PLAAT1: variants seen among roughly 807,000 people sequenced by gnomAD.
PLAAT1 encodes the protein H-REV107 protein-related protein.
In PLAAT1, 13 loss-of-function variants were observed where a neutral mutation model predicts 16.4. The observed-to-expected ratio is 0.79, with a 90% confidence interval of 0.52 to 1.26. PLAAT1 has a LOEUF of 1.26. Ranked by LOEUF, PLAAT1 falls within the 50% of genes most tolerant of loss-of-function variation. The pLI, the probability that PLAAT1 is intolerant of heterozygous loss-of-function variation, is 0.00. For synonymous variants in PLAAT1, 73 were observed against 78.4 expected (o/e 0.93, Z 0.36); for missense variants, 218 against 207.8 (o/e 1.05, Z -0.30).
intron 2 of PLAAT1, among the ~76,000 whole-genome samples, chr3:193,276,088 A>G (rs1268378194): frequency 1.3e-5 from 2 of 152,184 alleles, no homozygotes; most frequent in Non-Finnish European, 2.9e-5. Flanking sequence ...TTATTAAAAC[A>G]TAGTCTCAAA....
At chr3:193,274,902 A>G, downstream of PLAAT1, 1 of 1,249,808 alleles carries the variant, frequency 8.0e-7, no homozygotes, top group South Asian at 1.5e-5. Context: ...CCTTGCTGCA[A>G]GGTTTAATTC....
intron 1 of PLAAT1, among the ~76,000 whole-genome samples, chr3:193,247,615 C>A (rs961656589): frequency 6.6e-6 from 1 of 152,160 alleles, no homozygotes; most frequent in South Asian, 2.1e-4. Flanking sequence ...AGTAAAAAAT[C>A]CTGCATCAAT....
chr3:193,255,065 CT>C (rs1483248263), intron 1 of PLAAT1, among the ~76,000 whole-genome samples: 1 of 152,122 alleles, frequency 6.6e-6, no homozygotes, highest in Non-Finnish European at 1.5e-5. Context: ...GCATCCACCC[CT>C]ACCTCTGCTT....
At chr3:193,280,377 T>A (rs533721433), downstream of PLAAT1, among the ~76,000 whole-genome samples, 1 of 152,232 alleles carries the variant, frequency 6.6e-6, no homozygotes, top group East Asian at 1.9e-4. Context: ...CCAGTTAAAA[T>A]ACCACTTCCT....
chr3:193,259,404 A>G (rs1271247923), intron 2 of PLAAT1, among the ~76,000 whole-genome samples: 1 of 152,168 alleles, frequency 6.6e-6, no homozygotes, highest in African/African-American at 2.4e-5. Context: ...AAGAAATAAA[A>G]GGCATCCAAA....
intron 2 of PLAAT1, among the ~76,000 whole-genome samples, chr3:193,258,942 C>T (rs1577306176): frequency 6.6e-6 from 1 of 151,930 alleles, no homozygotes; most frequent in Non-Finnish European, 1.5e-5. Context: ...ATCGGAGAGA[C>T]ACACAAAAAA....
intron 1 of PLAAT1, among the ~76,000 whole-genome samples, chr3:193,254,431 T>C (rs919974876): frequency 2.0e-5 from 3 of 152,192 alleles, no homozygotes; most frequent in African/African-American, 7.2e-5. Flanking sequence ...TAGAGTGAAA[T>C]GATGAGGAAC....
intron 1 of PLAAT1, among the ~76,000 whole-genome samples, chr3:193,246,679 A>G (rs147312687): frequency 1.7e-3 from 258 of 152,288 alleles, no homozygotes; most frequent in Non-Finnish European, 3.0e-3. Context: ...ATTGATTTAT[A>G]TATGTTCACC....
At chr3:193,257,348 T>C (rs1716415900) in intron 2 of PLAAT1, among the ~76,000 whole-genome samples, 2 of 152,282 alleles carry the variant, frequency 1.3e-5, no homozygotes, top group East Asian at 1.9e-4. Context: ...TGGATAGATA[T>C]AAATAACAGC....
At chr3:193,279,557 T>C (rs1378323564), downstream of PLAAT1, 1 of 816,824 alleles carries the variant, frequency 1.2e-6, no homozygotes, top group Non-Finnish European at 2.0e-6. Context: ...ATACCAGATA[T>C]ATCTTCAGAT....
intron 1 of PLAAT1, among the ~76,000 whole-genome samples, chr3:193,247,835 T>C (rs1716036367): frequency 6.6e-6 from 1 of 152,206 alleles, no homozygotes; most frequent in Non-Finnish European, 1.5e-5. Context: ...TGAGATTTGC[T>C]TTGTGATATA....
At chr3:193,264,092 T>G (rs1014950680) in intron 3 of PLAAT1, among the ~76,000 whole-genome samples, 8 of 152,206 alleles carry the variant, frequency 5.3e-5, no homozygotes, top group African/African-American at 1.9e-4. Context: ...TGAAAACTTT[T>G]TAAAAGGCAA....
chr3:193,247,547 C>T (rs1716025647), intron 1 of PLAAT1, among the ~76,000 whole-genome samples: 1 of 152,168 alleles, frequency 6.6e-6, no homozygotes, highest in Admixed American at 6.5e-5. Context: ...CTTCAAGTGT[C>T]TGCGTGCCTA....
At chr3:193,246,353 A>G (rs1715982951) in intron 1 of PLAAT1, among the ~76,000 whole-genome samples, 1 of 131,772 alleles carries the variant, frequency 7.6e-6, no homozygotes, top group African/African-American at 2.7e-5. Flanking sequence ...TGGTATATTT[A>G]TTTATTAATG....
chr3:193,263,891 A>G (rs1419114352), intron 3 of PLAAT1, among the ~76,000 whole-genome samples: 2 of 152,130 alleles, frequency 1.3e-5, no homozygotes, highest in Admixed American at 6.5e-5. Context: ...TCTTTTCCCT[A>G]CCTGTTGTCC....
At chr3:193,240,680 T>TGTGTGTGTGTGTGTGTGG (rs1479216269), upstream of PLAAT1, among the ~76,000 whole-genome samples, 1 of 148,922 alleles carries the variant, frequency 6.7e-6, no homozygotes, top group African/African-American at 2.5e-5. Context: ...TGTGTGTGTG[T>TGTGTGTGTGTGTGTGTGG]GTGTGGTTGG....
chr3:193,274,969 C>T (rs761842345), downstream of PLAAT1: 1 of 1,551,696 alleles, frequency 6.4e-7, no homozygotes, highest in Non-Finnish European at 8.8e-7. Context: ...GGGAGAGTAT[C>T]ATCACTTCTC....
downstream of PLAAT1, among the ~76,000 whole-genome samples, chr3:193,273,102 A>G (rs988509455): frequency 1.3e-5 from 2 of 152,236 alleles, no homozygotes; most frequent in Admixed American, 6.5e-5. Context: ...GAAAAAGCCT[A>G]TAACTTTATT....
intron 1 of PLAAT1, among the ~76,000 whole-genome samples, chr3:193,250,125 TAGG>T (rs1716137518): frequency 6.6e-6 from 1 of 152,224 alleles, no homozygotes. Flanking sequence ...TGGTCTTGTG[TAGG>T]AGATGTTCCT....
Sources: gnomAD v4.1 joint callset for allele counts (sites outside exome capture counted in the v4.1 genomes callset) on GRCh38, gnomAD v4.1.1 for gene constraint, MANE v1.5 for transcripts, NCBI Gene and HGNC (gene_info 2026-07-23, HGNC 2026-07-21) for gene names.